The following WDR7 variants were observed in gnomAD, a reference collection of about 807,000 sequenced individuals.
The protein encoded by WDR7 is WD repeat-containing protein 7.
In WDR7, 46 loss-of-function variants were observed where a neutral mutation model predicts 169.4. The ratio of observed to expected loss-of-function variants is 0.27; its 90% CI spans 0.21 to 0.35. The LOEUF is 0.35. Among genes scored for constraint, WDR7 ranks in the 10% least tolerant of loss-of-function variants. WDR7 has a pLI of 1.00. For synonymous variants in WDR7, 612 were observed against 666.8 expected, an observed-to-expected ratio of 0.92 and a Z score of 1.27; for missense variants, 1,534 against 1,859.3, an observed-to-expected ratio of 0.83 and a Z score of 3.22.
chr18:56,695,608 G>A (rs2025683732), intron 11 of WDR7, among the ~76,000 whole-genome samples: 1 of 151,266 alleles, frequency 6.6e-6, no homozygotes. Context: ...CATGATCTCG[G>A]CTCACTACAA....
intron 1 of WDR7, among the ~76,000 whole-genome samples, chr18:56,669,072 A>G (rs2025079788): frequency 6.6e-6 from 1 of 152,166 alleles, no homozygotes; most frequent in Non-Finnish European, 1.5e-5. Context: ...AACTTTGTCA[A>G]GATCACATAG....
chr18:56,673,119 C>G (rs1363397623), intron 2 of WDR7, among the ~76,000 whole-genome samples: 1 of 151,604 alleles, frequency 6.6e-6, no homozygotes, highest in African/African-American at 2.4e-5. Flanking sequence ...GCTCTGCTTC[C>G]AGGGCTGTCA....
chr18:56,892,417 T>C (rs1268456918), intron 21 of WDR7, among the ~76,000 whole-genome samples: 1 of 152,148 alleles, frequency 6.6e-6, no homozygotes, highest in Non-Finnish European at 1.5e-5. Context: ...ATAACTCATT[T>C]TCCACACATG....
At chr18:56,719,355 A>G (rs1327328258) in intron 13 of WDR7, among the ~76,000 whole-genome samples, 5 of 152,060 alleles carry the variant, frequency 3.3e-5, no homozygotes, top group Admixed American at 6.6e-5. Flanking sequence ...CGAGGTCAGG[A>G]GATCAAGACC....
intron 25 of WDR7, among the ~76,000 whole-genome samples, chr18:56,943,778 T>C (rs1234613107): frequency 6.6e-6 from 1 of 152,076 alleles, no homozygotes; most frequent in Non-Finnish European, 1.5e-5. Flanking sequence ...TAATATAGTA[T>C]CCTGAAGTCA....
chr18:56,968,467 A>C (rs2047441906), intron 26 of WDR7, among the ~76,000 whole-genome samples: 2 of 152,204 alleles, frequency 1.3e-5, no homozygotes, highest in Non-Finnish European at 2.9e-5. Flanking sequence ...AGAGAATAGG[A>C]TATCTTTTCA....
At chr18:56,957,477 A>G (rs1182675571) in intron 25 of WDR7, 1 of 151,996 alleles carries the variant, frequency 6.6e-6, no homozygotes, top group Non-Finnish European at 1.5e-5. Flanking sequence ...GGGAAAAAAA[A>G]AAAAAAAGGT....
chr18:56,710,381 C>T (rs1454740763), intron 12 of WDR7, among the ~76,000 whole-genome samples: 1 of 152,126 alleles, frequency 6.6e-6, no homozygotes, highest in Admixed American at 6.6e-5. Flanking sequence ...ACTGTAGATA[C>T]AGTTTCCTGT....
At chr18:56,725,666 G>C (rs367971493) in intron 13 of WDR7, among the ~76,000 whole-genome samples, 1,865 of 152,038 alleles carry the variant, frequency 0.012, 53 homozygotes, top group African/African-American at 0.043. Flanking sequence ...TAATTAGATC[G>C]CATTTGTCAA....
chr18:56,737,654 A>G (rs940848535), intron 14 of WDR7, among the ~76,000 whole-genome samples: 8 of 152,240 alleles, frequency 5.3e-5, no homozygotes, highest in African/African-American at 1.9e-4. Context: ...AATGGAATTT[A>G]GAAGTCAAAT....
intron 26 of WDR7, among the ~76,000 whole-genome samples, chr18:56,991,951 T>G (rs1483668011): frequency 6.6e-6 from 1 of 152,260 alleles, no homozygotes; most frequent in Non-Finnish European, 1.5e-5. Context: ...GTATTTTGCC[T>G]GATTTTTAAT....
chr18:56,907,637 G>A (rs2046497421), intron 21 of WDR7, among the ~76,000 whole-genome samples: 1 of 152,258 alleles, frequency 6.6e-6, no homozygotes, highest in Non-Finnish European at 1.5e-5. Flanking sequence ...TTTAGGCTCG[G>A]TAATTTATTA....
At chr18:56,764,856 A>G (rs1454222377) in intron 16 of WDR7, among the ~76,000 whole-genome samples, 4 of 152,086 alleles carry the variant, frequency 2.6e-5, no homozygotes, top group Non-Finnish European at 5.9e-5. Context: ...ATCTGCAGCT[A>G]TAATTATGGG....
Position 56,770,544 on chromosome 18 carries a change from T to C in WDR7, c.2849-6238T>C, listed in dbSNP as rs112664835. Among the ~76,000 whole-genome samples, 213 of 152,358 alleles carry C rather than the reference T, an allele frequency of 1.4e-3. 2 individuals carry two copies. The highest frequency in any genetic ancestry group is 2.4e-3 in the Non-Finnish European group (161 of 68,032). On this transcript the variant is annotated intron_variant, in intron 16 of 27. Transcript: ENST00000254442. The stretch of plus-strand genomic sequence containing the variant: ...TTTTTTGACTTTTTGATTTGAGTTA[T>C]AGGCCAAGGTAAAATTTTCATCACA...
chr18:57,028,758 A>G lies in WDR7; in HGVS notation c.*1551A>G, dbSNP rs1017380949. On this transcript the variant is annotated 3_prime_UTR_variant, in exon 28 of 28. Coordinates refer to ENST00000254442, the MANE Select transcript of WDR7 (RefSeq NM_015285.3). ...ATTAAGAAATTAAGACCATTAGATC[A>G]TCTCTTTCATAATGATATGATGTTA... 6.6e-6 allele frequency: 1 copy of G among 152,662 alleles called. No individual in the cohort carries two copies. Among genetic ancestry groups the G allele is most frequent in the South Asian group, 2.1e-4 (1 of 4,834 alleles). The allele number at this position is 152,662 out of a possible 1,614,324, so 9.5% of individuals were successfully genotyped here. A position where few individuals can be genotyped will look rare whatever the true frequency, so the allele number is the denominator to read the frequency against.
At chr18:56,744,334 G>A (rs866705377) in intron 14 of WDR7, among the ~76,000 whole-genome samples, 5 of 151,780 alleles carry the variant, frequency 3.3e-5, no homozygotes, top group South Asian at 4.2e-4. Context: ...GGGGATTGAG[G>A]AGAGAGCATT....
At chr18:56,850,967 A>G (rs1285851598) in intron 20 of WDR7, among the ~76,000 whole-genome samples, 1 of 151,996 alleles carries the variant, frequency 6.6e-6, no homozygotes, top group Non-Finnish European at 1.5e-5. Flanking sequence ...TTATTGTCAT[A>G]TGTTGTTGGT....
intron 22 of WDR7, among the ~76,000 whole-genome samples, chr18:56,934,273 TTC>T (rs1475910926): frequency 1.3e-5 from 2 of 152,234 alleles, no homozygotes; most frequent in East Asian, 3.9e-4. Context: ...CAGTAAACAT[TTC>T]TTTCACTGAA....
In WDR7 at chr18:56,757,117, G is replaced by T; in HGVS notation, c.2524G>T (p.Gly842Cys). Residue 842 changes from glycine (G) to cysteine (C), a missense_variant, in exon 15 of 28, where the codon GGC (glycine) becomes TGC (cysteine). Transcript: ENST00000254442. ...TVSFGLLSRGGHMSLMLPGYN... is the reference protein window; with the variant it reads ...TVSFGLLSRGCHMSLMLPGYN... ...ATCGTTTGGCCTCTTGTCAAGAGGA[G>T]GCCATATGTCACTGATGCTGCCGGG... is the stretch of plus-strand genomic sequence containing the variant. 6.2e-7 allele frequency: 1 copy of T among 1,614,132 alleles called. No homozygotes were observed. The highest frequency in any genetic ancestry group is 8.5e-7 in the Non-Finnish European group (1 of 1,180,020).
Sources: allele counts gnomAD v4.1 joint callset (sites outside exome capture counted in the v4.1 genomes callset), GRCh38; gene constraint gnomAD v4.1.1; transcripts MANE v1.5; gene names NCBI Gene and HGNC (gene_info 2026-07-23, HGNC 2026-07-21).